Variants in UBASH3A observed in about 807,000 individuals in gnomAD.
The protein encoded by UBASH3A is ubiquitin-associated and SH3 domain-containing protein A.
UBASH3A carries 63 observed loss-of-function variants against 73.5 expected under a neutral mutation model. That is an observed-to-expected ratio of 0.86 (90% confidence interval 0.70 to 1.06). UBASH3A has a LOEUF of 1.06. Ranked by LOEUF, UBASH3A falls within the 50% of genes least tolerant of loss-of-function variation. The probability of loss-of-function intolerance (pLI) is 0.00; values close to 1 mark genes in which losing one functional copy is unlikely to be tolerated. For missense variants in UBASH3A, 860 were observed against 859.0 expected, an observed-to-expected ratio of 1.00 and a Z score of -0.02; for synonymous variants, 363 against 351.1, an observed-to-expected ratio of 1.03 and a Z score of -0.38.
chr21:42,431,054 G>A (rs973973992), intron 8 of UBASH3A, among the ~76,000 whole-genome samples: 1 of 152,216 alleles, frequency 6.6e-6, no homozygotes, highest in Non-Finnish European at 1.5e-5. Context: ...CCACGCAGCT[G>A]TCCTGGTGGC....
intron 5 of UBASH3A, among the ~76,000 whole-genome samples, chr21:42,414,254 T>C (rs1387487412): frequency 6.6e-6 from 1 of 152,200 alleles, no homozygotes; most frequent in East Asian, 1.9e-4. Flanking sequence ...TCCTGGCCTG[T>C]AAATCCATCC....
intron 10 of UBASH3A, among the ~76,000 whole-genome samples, chr21:42,435,874 C>CATAGAGTTGTAGAGTT (rs2053617411): frequency 6.9e-6 from 1 of 145,798 alleles, no homozygotes; most frequent in Non-Finnish European, 1.5e-5. Flanking sequence ...GTTATAGAGT[C>CATAGAGTTGTAGAGTT]ATAGAGTTGT....
chr21:42,443,453 C>G, intron 13 of UBASH3A, 35 bp downstream of exon 13: 3 of 1,535,938 alleles, frequency 2.0e-6, no homozygotes, highest in Non-Finnish European at 2.6e-6. Context: ...TGAACAGCCC[C>G]TGGGGCTTGG....
chr21:42,412,178 C>T (rs930849917), intron 3 of UBASH3A, among the ~76,000 whole-genome samples: 9 of 152,144 alleles, frequency 5.9e-5, no homozygotes, highest in Admixed American at 2.0e-4. Flanking sequence ...TAGGCAACAC[C>T]GAGCCCAGAT....
intron 9 of UBASH3A, 62 bp downstream of exon 9, chr21:42,432,264 C>CTT (rs2146572532): frequency 9.0e-7 from 1 of 1,114,468 alleles, no homozygotes; most frequent in African/African-American, 1.5e-5. Flanking sequence ...ATGAGATCTC[C>CTT]TTCTTAATGA....
rs77673733 is a variant in UBASH3A, at chr21:42,418,725, G to C, written c.1046+116G>C. On this transcript the variant is annotated intron_variant, in intron 7 of 14. Transcript: ENST00000319294. ...TCCATTATTGGTAAAATTGCATTCTGTATGCTGACAAAATTATTCCTGCAG... is the reference window on the plus strand; with the variant it reads ...TCCATTATTGGTAAAATTGCATTCTCTATGCTGACAAAATTATTCCTGCAG... 4,276 of 948,892 alleles carry C rather than the reference G, an allele frequency of 4.5e-3. 120 individuals are homozygous for C. The African/African-American group carries it at 0.06, about 13-fold the overall frequency. The allele number at this position is 948,892 out of a possible 1,614,324, so 58.8% of individuals were successfully genotyped here.
Position 42,443,203 on chromosome 21 carries a change from G to A in UBASH3A, c.1632-109G>A, listed in dbSNP as rs1005974182. 4.2e-5 allele frequency: 61 copies of A among 1,436,736 alleles called. No homozygotes were observed. In the African/African-American group the frequency reaches 7.6e-4, roughly 18 times the overall value. The allele number at this position is 1,436,736 out of a possible 1,614,324, so 89.0% of individuals were successfully genotyped here. On this transcript the variant is annotated intron_variant, in intron 12 of 14. Coordinates refer to ENST00000319294, the MANE Select transcript of UBASH3A (RefSeq NM_018961.4). ...CCTGTTGACCATGAGCCTGCCTTGAGGCAGAGCCATCCTGGAAGAACGTTC... is the reference window on the plus strand; with the variant it reads ...CCTGTTGACCATGAGCCTGCCTTGAAGCAGAGCCATCCTGGAAGAACGTTC...
intron 7 of UBASH3A, among the ~76,000 whole-genome samples, chr21:42,425,636 T>A (rs755069661): frequency 2.0e-5 from 3 of 152,142 alleles, no homozygotes; most frequent in African/African-American, 4.8e-5. Flanking sequence ...GGCCTGGACC[T>A]GCCATAGTTT....
At position 42,447,121 on chromosome 21, in the gene UBASH3A, A is replaced by G; in HGVS notation, c.1913A>G (p.Asn638Ser). Residue 638 changes from asparagine to serine, a missense_variant, in exon 15 of 15, where the codon AAC (asparagine) becomes AGC (serine). Coordinates refer to ENST00000319294, the MANE Select transcript of UBASH3A (RefSeq NM_018961.4). The part of the protein sequence containing the change: ...NKEEGKWELV[N>S]PPVKTLTHGA... ...GAGGAAGGAAAATGGGAGTTGGTGA[A>G]CCCACCGGTGAAGACCCTGACCCAC... 6.2e-7 allele frequency: 1 copy of G among 1,613,984 alleles called. No individual in the cohort carries two copies. The highest frequency in any genetic ancestry group is 8.5e-7 in the Non-Finnish European group (1 of 1,179,982).
At chr21:42,412,810 G>A (rs1055675784) in intron 3 of UBASH3A, among the ~76,000 whole-genome samples, 1 of 152,166 alleles carries the variant, frequency 6.6e-6, no homozygotes, top group African/African-American at 2.4e-5. Flanking sequence ...ACTCCAACCT[G>A]CAAAGAAACT....
chr21:42,447,050 G>C lies in UBASH3A; in HGVS notation c.1849-7G>C. 2 of 1,611,120 alleles carry C rather than the reference G, an allele frequency of 1.2e-6. No individual in the cohort carries two copies. Among genetic ancestry groups the C allele is most frequent in the Non-Finnish European group, 1.7e-6 (2 of 1,179,014 alleles). ...ATATTAACAAGTGATTTAAAACTCT[G>C]TTCCAGATCCCTTCCCTGGGCATGT... On this transcript the variant is annotated splice_region_variant and splice_polypyrimidine_tract_variant and intron_variant, in intron 14 of 14. Coordinates refer to ENST00000319294, the MANE Select transcript of UBASH3A (RefSeq NM_018961.4).
At chr21:42,410,960 A>G in intron 3 of UBASH3A, among the ~76,000 whole-genome samples, 1 of 152,172 alleles carries the variant, frequency 6.6e-6, no homozygotes, top group South Asian at 2.1e-4. Context: ...CACACGGCAC[A>G]CACAGATACA....
chr21:42,446,987 C>T, intron 14 of UBASH3A, 70 bp from the exon 15 acceptor site: 1 of 1,543,048 alleles, frequency 6.5e-7, no homozygotes, highest in Non-Finnish European at 8.8e-7. Context: ...TGACAGTTGG[C>T]TTTGGAGCTA....
chr21:42,416,374 G>A, intron 5 of UBASH3A, 68 bp from the exon 6 acceptor site: 1 of 1,461,210 alleles, frequency 6.8e-7, no homozygotes, highest in African/African-American at 1.5e-5. Flanking sequence ...AGGAAGCATG[G>A]AGGTCGGAGG....
intron 8 of UBASH3A, among the ~76,000 whole-genome samples, chr21:42,430,381 G>A (rs753479969): frequency 2.0e-5 from 3 of 152,224 alleles, no homozygotes; most frequent in Non-Finnish European, 2.9e-5. Flanking sequence ...GAATCAGGGC[G>A]ATGCTGGGGC....
At chr21:42,430,281 T>C (rs1163518962) in intron 8 of UBASH3A, among the ~76,000 whole-genome samples, 2 of 152,216 alleles carry the variant, frequency 1.3e-5, no homozygotes, top group Non-Finnish European at 2.9e-5. Flanking sequence ...AATGATCAGC[T>C]GCACTGGCCA....
intron 8 of UBASH3A, among the ~76,000 whole-genome samples, chr21:42,431,832 C>T (rs761650781): frequency 2.0e-5 from 3 of 152,176 alleles, no homozygotes; most frequent in African/African-American, 4.8e-5. Context: ...AGTAGAAAAA[C>T]GGATGTGTCA....
At chr21:42,439,370 C>T (rs967585112) in intron 11 of UBASH3A, among the ~76,000 whole-genome samples, 6 of 152,172 alleles carry the variant, frequency 3.9e-5, no homozygotes, top group African/African-American at 9.7e-5. Context: ...CCCCTCTGCA[C>T]GGCATCTCGG....
intron 8 of UBASH3A, 132 bp from the exon 9 acceptor site, chr21:42,431,971 G>A (rs559413881): frequency 2.0e-4 from 121 of 602,742 alleles, no homozygotes; most frequent in South Asian, 7.9e-4. Flanking sequence ...GGGCAAAATG[G>A]GCTGAGCTAT....
Sources: gnomAD v4.1 joint callset for allele counts (sites outside exome capture counted in the v4.1 genomes callset) on GRCh38, gnomAD v4.1.1 for gene constraint, MANE v1.5 for transcripts, NCBI Gene and HGNC (gene_info 2026-07-23, HGNC 2026-07-21) for gene names.